Variants in PHACTR1 observed in about 807,000 individuals in gnomAD.
PHACTR1 encodes the protein RPEL repeat containing 1.
In PHACTR1, 16 loss-of-function variants were observed where a neutral mutation model predicts 69.2. The observed-to-expected ratio is 0.23, with a 90% confidence interval of 0.16 to 0.35. PHACTR1 has a LOEUF of 0.35. PHACTR1 is among the 10% of genes least tolerant of loss of function. The probability of loss-of-function intolerance (pLI) is 1.00; values close to 1 mark genes in which losing one functional copy is unlikely to be tolerated. For missense variants in PHACTR1, 510 were observed against 734.7 expected (o/e 0.69, Z 3.54); for synonymous variants, 312 against 284.5 (o/e 1.10, Z -0.97).
intron 3 of PHACTR1, among the ~76,000 whole-genome samples, chr6:12,735,282 G>T (rs1210353139): frequency 6.6e-6 from 1 of 152,166 alleles, no homozygotes; most frequent in Non-Finnish European, 1.5e-5. Context: ...AAGCAAGGCA[G>T]AAGCCACAAG....
chr6:13,138,954 A>T (rs191773040), intron 5 of PHACTR1, among the ~76,000 whole-genome samples: 67 of 152,294 alleles, frequency 4.4e-4, no homozygotes, highest in Admixed American at 9.2e-4. Context: ...TTTCACATAT[A>T]AGCTTACGTT....
chr6:12,842,643 G>T (rs1000778243), intron 4 of PHACTR1, among the ~76,000 whole-genome samples: 1 of 152,066 alleles, frequency 6.6e-6, no homozygotes, highest in South Asian at 2.1e-4. Context: ...CTGGGCCTAG[G>T]TGATCCTCCC....
intron 5 of PHACTR1, among the ~76,000 whole-genome samples, chr6:13,107,722 C>G (rs1315100765): frequency 6.6e-6 from 1 of 152,056 alleles, no homozygotes; most frequent in Non-Finnish European, 1.5e-5. Flanking sequence ...TCCCTTAGGT[C>G]TTCTTCCATT....
At chr6:13,026,040 T>C (rs1167339820) in intron 4 of PHACTR1, among the ~76,000 whole-genome samples, 1 of 152,206 alleles carries the variant, frequency 6.6e-6, no homozygotes, top group Non-Finnish European at 1.5e-5. Context: ...TAAGCCATAA[T>C]TATGACAGAT....
chr6:12,775,854 G>A (rs991446305), intron 4 of PHACTR1, among the ~76,000 whole-genome samples: 2 of 152,078 alleles, frequency 1.3e-5, no homozygotes, highest in African/African-American at 2.4e-5. Flanking sequence ...TGATTCTATG[G>A]ATGAGAAACC....
At chr6:12,849,692 A>C (rs146977800) in intron 4 of PHACTR1, among the ~76,000 whole-genome samples, 4 of 152,278 alleles carry the variant, frequency 2.6e-5, no homozygotes, top group African/African-American at 9.6e-5. Flanking sequence ...GATGTCATAA[A>C]CCATCATCTG....
chr6:12,758,795 G>A (rs959532512), intron 4 of PHACTR1, among the ~76,000 whole-genome samples: 2 of 152,036 alleles, frequency 1.3e-5, no homozygotes, highest in Non-Finnish European at 2.9e-5. Context: ...AAGAAGAGAT[G>A]GAACTAGGAA....
At chr6:13,087,632 T>G (rs1318932152) in intron 5 of PHACTR1, among the ~76,000 whole-genome samples, 1 of 151,480 alleles carries the variant, frequency 6.6e-6, no homozygotes, top group African/African-American at 2.4e-5. Flanking sequence ...ATTAGGAAAT[T>G]ACAAATAAAA....
intron 4 of PHACTR1, among the ~76,000 whole-genome samples, chr6:12,766,340 G>A (rs1768607801): frequency 6.6e-6 from 1 of 152,206 alleles, no homozygotes; most frequent in Non-Finnish European, 1.5e-5. Context: ...AGAAAGCTGA[G>A]AGATTACCTA....
intron 5 of PHACTR1, among the ~76,000 whole-genome samples, chr6:13,089,912 A>C (rs1412788624): frequency 6.6e-6 from 1 of 152,216 alleles, no homozygotes; most frequent in African/African-American, 2.4e-5. Context: ...TCCTTGTGAC[A>C]TAATAAATTT....
intron 5 of PHACTR1, among the ~76,000 whole-genome samples, chr6:13,083,484 A>C (rs1292874192): frequency 6.6e-6 from 1 of 151,316 alleles, no homozygotes; most frequent in East Asian, 1.9e-4. Context: ...CTGTGAAGAA[A>C]GTCATTGGTA....
At chr6:13,051,928 C>T (rs1282347761) in intron 4 of PHACTR1, among the ~76,000 whole-genome samples, 1 of 152,088 alleles carries the variant, frequency 6.6e-6, no homozygotes, top group Non-Finnish European at 1.5e-5. Flanking sequence ...TGCACTGAAC[C>T]AGGTAGTAAA....
In PHACTR1 at chr6:12,928,351, C is replaced by T. The variant is rs530353696; in HGVS notation, c.251-125014C>T. 6.1e-3 allele frequency among the ~76,000 whole-genome samples: 921 copies of T among 152,228 alleles called. 5 individuals are homozygous for T. The highest frequency in any genetic ancestry group is 0.014 in the African/African-American group (592 of 41,526). On this transcript the variant is annotated intron_variant, in intron 4 of 14. Coordinates refer to ENST00000332995, the MANE Select transcript of PHACTR1 (RefSeq NM_030948.6). The stretch of plus-strand genomic sequence containing the variant: ...GCTGAACGAAACCCCTCAAAATGCC[C>T]GGCACGTTCAACGTTCATCCCACCA...
intron 4 of PHACTR1, among the ~76,000 whole-genome samples, chr6:12,826,945 A>G (rs1181664493): frequency 6.6e-6 from 1 of 152,238 alleles, no homozygotes; most frequent in Non-Finnish European, 1.5e-5. Flanking sequence ...AATGCTAAGA[A>G]CATCCTAATA....
At chr6:12,731,079 G>A (rs1023828974) in intron 3 of PHACTR1, among the ~76,000 whole-genome samples, 27 of 151,380 alleles carry the variant, frequency 1.8e-4, no homozygotes, top group Non-Finnish European at 3.4e-4. Flanking sequence ...GCAGTGGCAC[G>A]ATATTGTCTC....
intron 7 of PHACTR1, among the ~76,000 whole-genome samples, chr6:13,197,281 A>T (rs1166375200): frequency 6.6e-6 from 1 of 152,198 alleles, no homozygotes; most frequent in Non-Finnish European, 1.5e-5. Context: ...CCTGTAGAGG[A>T]TGCCCCTTCC....
chr6:13,112,072 T>C (rs1817132888), intron 5 of PHACTR1, among the ~76,000 whole-genome samples: 1 of 152,160 alleles, frequency 6.6e-6, no homozygotes, highest in African/African-American at 2.4e-5. Flanking sequence ...TGCTCCCCTC[T>C]GTGTGTCCAT....
chr6:13,276,307 G>A lies in PHACTR1; in HGVS notation c.1448-1961G>A, dbSNP rs545312774. ...TCTACAAAGCCTTATGCCCACAGGC[G>A]GTTGGGGGGCCAAATCAGGCCCGTG... On this transcript the variant is annotated intron_variant, in intron 11 of 14. Coordinates refer to ENST00000332995, the MANE Select transcript of PHACTR1 (RefSeq NM_030948.6). Among the ~76,000 whole-genome samples the A allele has an allele frequency of 5.9e-5, 9 of 152,286 alleles. No homozygotes were observed. The South Asian group carries it at 8.3e-4, about 14-fold the overall frequency.
In PHACTR1 at chr6:13,206,026, C is replaced by A; in HGVS notation, c.876C>A (p.His292Gln). Reference protein sequence around the residue: ...QIQHQLQYGSHGQHLPSTTGS... With the variant: ...QIQHQLQYGSQGQHLPSTTGS... ...AGCACCAGCTGCAGTACGGCAGCCA[C>A]GGCCAGCACCTCCCCTCCACCACCG... is the stretch of plus-strand genomic sequence containing the variant. Residue 292 changes from histidine to glutamine, a missense_variant, in exon 8 of 15, where the codon CAC (histidine) becomes CAA (glutamine). Coordinates refer to ENST00000332995, the MANE Select transcript of PHACTR1 (RefSeq NM_030948.6). 6.2e-7 allele frequency: 1 copy of A among 1,613,970 alleles called. No individual in the cohort carries two copies. The highest frequency in any genetic ancestry group is 8.5e-7 in the Non-Finnish European group (1 of 1,179,868).
Sources: allele counts gnomAD v4.1 joint callset (sites outside exome capture counted in the v4.1 genomes callset), GRCh38; gene constraint gnomAD v4.1.1; transcripts MANE v1.5; gene names NCBI Gene and HGNC (gene_info 2026-07-23, HGNC 2026-07-21).